CWH43: variants seen among roughly 807,000 people sequenced by gnomAD.
The protein encoded by CWH43 is PGAP2-interacting protein.
Under a neutral mutation model 85.7 loss-of-function variants are expected in CWH43, and 91 were observed. The ratio of observed to expected loss-of-function variants is 1.06; its 90% CI spans 0.90 to 1.26. The LOEUF is 1.26. CWH43 is among the 50% of genes most tolerant of loss of function. The pLI is 0.00. For missense variants in CWH43, 869 were observed against 839.2 expected (o/e 1.04, Z -0.44); for synonymous variants, 323 against 293.6 (o/e 1.10, Z -1.02).
chr4:48,993,036 G>C (rs973118580), intron 4 of CWH43, among the ~76,000 whole-genome samples: 3 of 152,132 alleles, frequency 2.0e-5, no homozygotes, highest in Non-Finnish European at 4.4e-5. Flanking sequence ...ATAAAGATCT[G>C]AACTTCAGGG....
chr4:49,038,316 C>T (rs1473308211), intron 13 of CWH43, 136 bp downstream of exon 13: 10 of 666,290 alleles, frequency 1.5e-5, no homozygotes, highest in Non-Finnish European at 2.2e-5. Context: ...CACCACAAAA[C>T]ATGTGAGCTT....
At chr4:49,025,638 C>T (rs1298689257) in intron 9 of CWH43, among the ~76,000 whole-genome samples, 1 of 152,112 alleles carries the variant, frequency 6.6e-6, no homozygotes, top group African/African-American at 2.4e-5. Context: ...ATCTAGCTAC[C>T]CAGCAGAGCT....
intron 1 of CWH43, among the ~76,000 whole-genome samples, chr4:48,987,039 G>C (rs527427683): frequency 6.6e-6 from 1 of 152,212 alleles, no homozygotes; most frequent in East Asian, 1.9e-4. Flanking sequence ...AAATCCCGAG[G>C]ACAATTTTAT....
Position 49,061,966 on chromosome 4 carries a change from GA to G in CWH43, c.*79del. 9.0e-7 allele frequency: 1 copy of G among 1,114,200 alleles called. No homozygotes were observed. The highest frequency in any genetic ancestry group is 1.2e-6 in the Non-Finnish European group (1 of 854,062). The allele number at this position is 1,114,200 out of a possible 1,614,324, so 69.0% of individuals were successfully genotyped here. On this transcript the variant is annotated 3_prime_UTR_variant, in exon 16 of 16. Transcript: ENST00000226432. Reference sequence around the variant, plus strand: ...TGTAAGATAAAAAGAAGAGATTAATGAAAGTGGGAAAATACACATGAAGAAC... The same window carrying G: ...TGTAAGATAAAAAGAAGAGATTAATGAAGTGGGAAAATACACATGAAGAAC...
Position 49,030,989 on chromosome 4 carries a change from A to G in CWH43, c.1508+29A>G, listed in dbSNP as rs1784078584. The G allele has an allele frequency of 3.9e-6, 6 of 1,545,778 alleles. No homozygotes were observed. In the East Asian group the frequency reaches 1.2e-4, roughly 30 times the overall value. On this transcript the variant is annotated intron_variant, in intron 11 of 15. Coordinates refer to ENST00000226432, the MANE Select transcript of CWH43 (RefSeq NM_025087.3). The stretch of plus-strand genomic sequence containing the variant: ...AGTATACCTTGGGAGTTAATCCCGA[A>G]GATAGTCATGAAAGGCTAGGCTGCA...
rs371130655 is a variant in CWH43, at chr4:49,030,957, G to T, written c.1505G>T (p.Trp502Leu). The change falls in exon 11 of 16, where the codon TGG becomes TTG. Residue 502 changes from tryptophan to leucine, a missense_variant. Physicochemically the swap from Trp to Leu is moderately conservative, Grantham distance 61. Transcript: ENST00000226432. ...DFGPSTRYHT[W>L]GIMALSRYPI... ...GGTCCAAGCACAAGGTATCACACTTGGGGGTGAGTATACCTTGGGAGTTAA... is the reference window on the plus strand; with the variant it reads ...GGTCCAAGCACAAGGTATCACACTTTGGGGTGAGTATACCTTGGGAGTTAA... The T allele has an allele frequency of 3.8e-6, 6 of 1,587,308 alleles. No individual in the cohort carries two copies. The African/African-American group carries it at 8.2e-5, about 22-fold the overall frequency.
intron 6 of CWH43, among the ~76,000 whole-genome samples, chr4:49,000,830 GC>G (rs1375109028): frequency 2.1e-5 from 2 of 94,324 alleles, no homozygotes; most frequent in Non-Finnish European, 6.0e-5. Flanking sequence ...TTAAATAGTA[GC>G]TTTAAAGACT....
At chr4:49,018,854 G>C (rs1424573695) in intron 9 of CWH43, among the ~76,000 whole-genome samples, 6 of 152,198 alleles carry the variant, frequency 3.9e-5, no homozygotes, top group African/African-American at 1.4e-4. Flanking sequence ...CTTACAGAGT[G>C]CTTGCCAGGT....
At chr4:49,016,712 C>T (rs148618977) in intron 8 of CWH43, 181 of 774,182 alleles carry the variant, frequency 2.3e-4, no homozygotes, top group African/African-American at 2.3e-3. Context: ...CTGTGATGAC[C>T]TTTGCCTGCT....
rs535141836 is a variant in CWH43 at position 49,021,685 on chromosome 4, G to T, written c.1266+4357G>T. Among the ~76,000 whole-genome samples, 3 of 152,244 alleles carry T rather than the reference G, an allele frequency of 2.0e-5. No homozygotes were observed. The South Asian group carries it at 6.2e-4, about 32-fold the overall frequency. On this transcript the variant is annotated intron_variant, in intron 9 of 15. Transcript: ENST00000226432. ...ATTGATTCTACCCATCCATGAGCAT[G>T]GATATGTTTGCATTTGTTTGTGTCA...
chr4:49,057,249 G>A (rs1202471908), intron 15 of CWH43, among the ~76,000 whole-genome samples: 1 of 152,202 alleles, frequency 6.6e-6, no homozygotes, highest in Non-Finnish European at 1.5e-5. Context: ...ATATTTTAGG[G>A]AGACATGAGA....
chr4:48,999,129 C>G lies in CWH43; in HGVS notation c.802+581C>G, dbSNP rs113213195. Among the ~76,000 whole-genome samples the G allele has an allele frequency of 6.3e-3, 961 of 152,246 alleles. 15 individuals are homozygous for G. The highest frequency in any genetic ancestry group is 0.022 in the African/African-American group (931 of 41,538). ...GTGTCTGTTGTTCCCCTCTTTGTGTCCATGTGCTCTCATCATTCAGCTCCC... is the reference window on the plus strand; with the variant it reads ...GTGTCTGTTGTTCCCCTCTTTGTGTGCATGTGCTCTCATCATTCAGCTCCC... On this transcript the variant is annotated intron_variant, in intron 6 of 15. Coordinates refer to ENST00000226432, the MANE Select transcript of CWH43 (RefSeq NM_025087.3).
intron 15 of CWH43, among the ~76,000 whole-genome samples, chr4:49,058,373 A>G (rs1785033765): frequency 6.6e-6 from 1 of 152,076 alleles, no homozygotes; most frequent in African/African-American, 2.4e-5. Context: ...TTTTCCTCCC[A>G]CTACATTTTA....
intron 12 of CWH43, among the ~76,000 whole-genome samples, chr4:49,036,216 T>G (rs1406319325): frequency 2.6e-5 from 4 of 152,124 alleles, no homozygotes; most frequent in African/African-American, 4.8e-5. Flanking sequence ...ATGCCTCCGA[T>G]TGGCCAAACC....
chr4:49,048,324 G>A (rs1784693292), intron 14 of CWH43, among the ~76,000 whole-genome samples: 1 of 150,748 alleles, frequency 6.6e-6, no homozygotes, highest in African/African-American at 2.4e-5. Flanking sequence ...TATACACTCT[G>A]TGTGTATCAC....
Position 49,045,403 on chromosome 4 carries a change from A to T in CWH43, c.1865+556A>T, listed in dbSNP as rs1430088626. Reference sequence around the variant, plus strand: ...ATATACTTGGATAATACATATTTGGATACATAGAGTCATGTGCTGCTTAAT... The same window carrying T: ...ATATACTTGGATAATACATATTTGGTTACATAGAGTCATGTGCTGCTTAAT... On this transcript the variant is annotated intron_variant, in intron 14 of 15. Coordinates refer to ENST00000226432, the MANE Select transcript of CWH43 (RefSeq NM_025087.3). Among the ~76,000 whole-genome samples, 3 of 152,216 alleles carry T rather than the reference A, an allele frequency of 2.0e-5. No homozygotes were observed. In the East Asian group the frequency reaches 5.8e-4, roughly 29 times the overall value.
At chr4:49,055,117 C>T (rs1029327942) in intron 15 of CWH43, among the ~76,000 whole-genome samples, 1 of 152,094 alleles carries the variant, frequency 6.6e-6, no homozygotes, top group Non-Finnish European at 1.5e-5. Flanking sequence ...AACTTTTAAT[C>T]ACTGAGTATG....
intron 14 of CWH43, among the ~76,000 whole-genome samples, chr4:49,046,491 G>A (rs2109833171): frequency 6.6e-6 from 1 of 152,228 alleles, no homozygotes; most frequent in East Asian, 1.9e-4. Flanking sequence ...GAAATGACAA[G>A]CTATGACAGG....
intron 9 of CWH43, among the ~76,000 whole-genome samples, chr4:49,025,306 G>A (rs1783876913): frequency 6.6e-6 from 1 of 150,776 alleles, no homozygotes; most frequent in African/African-American, 2.4e-5. Context: ...TTTTTCTGGT[G>A]CCTCCTTGAT....
Sources: gnomAD v4.1 joint callset for allele counts (sites outside exome capture counted in the v4.1 genomes callset) on GRCh38, gnomAD v4.1.1 for gene constraint, MANE v1.5 for transcripts, NCBI Gene and HGNC (gene_info 2026-07-23, HGNC 2026-07-21) for gene names.